DNAH5: variants seen among roughly 807,000 people sequenced by gnomAD.
DNAH5 encodes dynein axonemal heavy chain 5, also known as axonemal beta dynein heavy chain 5.
A neutral mutation model predicts 518.2 loss-of-function variants in DNAH5; 372 were observed. That is an observed-to-expected ratio of 0.72 (90% CI 0.66 to 0.78). DNAH5 has a LOEUF of 0.78. Among genes scored for constraint, DNAH5 ranks in the 30% least tolerant of loss-of-function variants. The pLI is 0.00. For synonymous variants in DNAH5, 2,039 were observed against 2,025.9 expected (o/e 1.01, Z -0.17); for missense variants, 5,523 against 5,687.0 (o/e 0.97, Z 0.93).
At chr5:13,945,492 T>C (rs758258895), upstream of DNAH5, among the ~76,000 whole-genome samples, 2 of 152,224 alleles carry the variant, frequency 1.3e-5, no homozygotes, top group Non-Finnish European at 2.9e-5. Context: ...CCATATCCAA[T>C]GCTAGGGCAC....
intron 1 of DNAH5, among the ~76,000 whole-genome samples, chr5:14,009,401 T>A (rs1393568249): frequency 6.6e-6 from 1 of 152,230 alleles, no homozygotes; most frequent in East Asian, 1.9e-4. Flanking sequence ...CAAGGGACCC[T>A]GCCTTCCTGC....
At chr5:13,947,074 T>C (rs115969633), upstream of DNAH5, among the ~76,000 whole-genome samples, 5 of 152,306 alleles carry the variant, frequency 3.3e-5, no homozygotes, top group African/African-American at 1.2e-4. Context: ...TCATAATCAA[T>C]AAAAAATGGT....
intron 65 of DNAH5, among the ~76,000 whole-genome samples, chr5:13,745,936 T>A: frequency 6.6e-6 from 1 of 152,166 alleles, no homozygotes; most frequent in East Asian, 1.9e-4. Context: ...TAATTTGGAC[T>A]GTATTTTTTA....
chr5:13,821,351 C>T (rs1402648589), intron 40 of DNAH5, among the ~76,000 whole-genome samples: 1 of 152,146 alleles, frequency 6.6e-6, no homozygotes, highest in Non-Finnish European at 1.5e-5. Flanking sequence ...AAATTTCAAA[C>T]TGTCTTTATA....
chr5:13,922,430 T>A, intron 4 of DNAH5, 102 bp from the exon 5 acceptor site: 1 of 1,207,664 alleles, frequency 8.3e-7, no homozygotes, highest in Non-Finnish European at 1.2e-6. Context: ...AAATACCCAG[T>A]AAATTATTAG....
chr5:13,901,226 G>T, intron 14 of DNAH5, 26 bp downstream of exon 14: 1 of 1,607,216 alleles, frequency 6.2e-7, no homozygotes, highest in South Asian at 1.1e-5. Flanking sequence ...TCCAACAATG[G>T]GAAGAGTATA....
intron 58 of DNAH5, 57 bp from the exon 59 acceptor site, chr5:13,766,236 A>G: frequency 1.3e-6 from 2 of 1,563,504 alleles, no homozygotes; most frequent in Non-Finnish European, 1.8e-6. Flanking sequence ...AGACAAGCAA[A>G]CCTTGCATGT....
At chr5:13,836,181 A>T (rs10075263) in intron 35 of DNAH5, among the ~76,000 whole-genome samples, 62,797 of 151,942 alleles carry the variant, frequency 0.41, 13,387 homozygotes, top group East Asian at 0.6. Context: ...TAAAATGAAG[A>T]CAACAGCAGG....
chr5:13,756,418 T>C (rs1392402509), intron 61 of DNAH5, among the ~76,000 whole-genome samples: 1 of 152,176 alleles, frequency 6.6e-6, no homozygotes, highest in East Asian at 1.9e-4. Context: ...AGTTCTTCTG[T>C]GGTCCCATGA....
chr5:13,769,500 C>G lies in DNAH5; in HGVS notation c.9720+1G>C. The G allele has an allele frequency of 6.2e-7, 1 of 1,612,952 alleles. No homozygotes were observed. The highest frequency in any genetic ancestry group is 8.5e-7 in the Non-Finnish European group (1 of 1,178,962). On this transcript the variant is annotated splice_donor_variant, in intron 57 of 78. Coordinates refer to ENST00000265104, the MANE Select transcript of DNAH5 (RefSeq NM_001369.3). LOFTEE classifies it high-confidence loss of function. ...TGGCACATGTGTAAATGCCCACCCACCATGTCGGCTTTATCGTTGGCCACT... is the reference window on the plus strand; with the variant it reads ...TGGCACATGTGTAAATGCCCACCCAGCATGTCGGCTTTATCGTTGGCCACT...
chr5:13,822,767 T>C (rs1762392385), intron 40 of DNAH5, among the ~76,000 whole-genome samples: 1 of 152,152 alleles, frequency 6.6e-6, no homozygotes, highest in African/African-American at 2.4e-5. Flanking sequence ...CATCATGATA[T>C]ACATAGTGTG....
At chr5:13,871,838 C>A in intron 22 of DNAH5, 73 bp from the exon 23 acceptor site, 1 of 1,306,718 alleles carries the variant, frequency 7.7e-7, no homozygotes, top group Non-Finnish European at 1.1e-6. Context: ...GAATATTTAC[C>A]AACTGCTGGT....
intron 3 of DNAH5, among the ~76,000 whole-genome samples, chr5:13,927,320 C>T (rs546783473): frequency 3.3e-5 from 5 of 152,092 alleles, no homozygotes; most frequent in South Asian, 4.2e-4. Flanking sequence ...GCTGAAACCC[C>T]GTCTCTACTG....
Position 13,931,190 on chromosome 5 carries a change from T to C in DNAH5, c.112A>G (p.Asn38Asp). 4 of 1,614,146 alleles carry C rather than the reference T, an allele frequency of 2.5e-6. No homozygotes were observed. Among genetic ancestry groups the C allele is most frequent in the Non-Finnish European group, 3.4e-6 (4 of 1,179,974 alleles). The change falls in exon 2 of 79, where the codon AAC becomes GAC. Residue 38 changes from asparagine (N) to aspartate (D), a missense_variant. Transcript: ENST00000265104. ...GAAGCCACAATTGCAAATAAGTAGT[T>C]ATGCCTCGCATCCAAAAGAGCCCGC... ...AKRALLDARH[N>D]YLFAIVASCL...
At chr5:13,835,508 A>C (rs932115311) in intron 35 of DNAH5, among the ~76,000 whole-genome samples, 1 of 152,064 alleles carries the variant, frequency 6.6e-6, no homozygotes, top group Non-Finnish European at 1.5e-5. Flanking sequence ...TCTCCTTGTC[A>C]CCACGTGCGC....
chr5:13,809,100 T>C lies in DNAH5; in HGVS notation c.7696A>G (p.Asn2566Asp). ...AAGTCAGTCCTCACATTGTCAACAT[T>C]TGGCACCAGAATAGAACCATACTCT... Reference protein sequence around the residue: ...TPEYGSILVPNVDNVRTDFLI... With the variant: ...TPEYGSILVPDVDNVRTDFLI... Residue 2566 changes from asparagine (N) to aspartate (D), a missense_variant, in exon 46 of 79, where the codon AAT becomes GAT. Around this residue, in one of 3 missense-constraint regions of DNAH5, gnomAD observed 5,121 missense variants for 5,223.3 expected, o/e 0.98. Coordinates refer to ENST00000265104, the MANE Select transcript of DNAH5 (RefSeq NM_001369.3). 1 of 1,614,196 alleles carries C rather than the reference T, an allele frequency of 6.2e-7. No individual in the cohort carries two copies.
chr5:13,894,078 T>C (rs1484678836), intron 16 of DNAH5, among the ~76,000 whole-genome samples: 2 of 152,104 alleles, frequency 1.3e-5, no homozygotes, highest in Non-Finnish European at 1.5e-5. Context: ...GACACTGGCA[T>C]GTTACAGGCT....
In DNAH5 at chr5:13,762,739, C is replaced by G; in HGVS notation, c.10264G>C (p.Glu3422Gln). Reference sequence around the variant, plus strand: ...AGGCTTACCTTCAGAGGCAGTACTTCTTTGTTTATAGAAAAGAAGGAAGCC... The same window carrying G: ...AGGCTTACCTTCAGAGGCAGTACTTGTTTGTTTATAGAAAAGAAGGAAGCC... ...AMASFFSINK[E>Q]VLPLKANLVV... Residue 3422 changes from glutamate (E) to glutamine (Q), a missense_variant, in exon 60 of 79, where the codon GAA becomes CAA. By Grantham distance (29) the Glu-to-Gln change is conservative. Around this residue, in one of 3 missense-constraint regions of DNAH5, gnomAD observed 5,121 missense variants for 5,223.3 expected, o/e 0.98. Transcript: ENST00000265104. 6.2e-7 allele frequency: 1 copy of G among 1,614,036 alleles called. No individual in the cohort carries two copies. Among genetic ancestry groups the G allele is most frequent in the Non-Finnish European group, 8.5e-7 (1 of 1,179,980 alleles).
intron 42 of DNAH5, among the ~76,000 whole-genome samples, chr5:13,816,867 C>T (rs1580396225): frequency 6.6e-6 from 1 of 152,170 alleles, no homozygotes; most frequent in East Asian, 1.9e-4. Flanking sequence ...TTCTTTCTCT[C>T]TGCAATTGTA....
Sources: allele counts gnomAD v4.1 joint callset (sites outside exome capture counted in the v4.1 genomes callset), GRCh38; gene constraint gnomAD v4.1.1; regional missense constraint gnomAD v4.1.1; transcripts MANE v1.5; gene names NCBI Gene and HGNC (gene_info 2026-07-23, HGNC 2026-07-21).